Variants in LUC7L2 observed in about 807,000 individuals in gnomAD.
LUC7L2 encodes LUC7 like 2, pre-mRNA splicing factor.
Under a neutral mutation model 52.8 loss-of-function variants are expected in LUC7L2, and 25 were observed. The observed-to-expected ratio is 0.47, with a 90% confidence interval of 0.34 to 0.66. LUC7L2 has a LOEUF of 0.66. LUC7L2 is among the 30% of genes least tolerant of loss of function. LUC7L2 has a pLI of 0.01. For missense variants in LUC7L2, 328 were observed against 497.8 expected (o/e 0.66, Z 3.25); for synonymous variants, 144 against 160.9 (o/e 0.89, Z 0.80).
rs560113259 is a variant in LUC7L2 at position 139,387,164 on chromosome 7, T to C, written c.156+11008T>C. Among the ~76,000 whole-genome samples the C allele has an allele frequency of 1.4e-4, 22 of 152,196 alleles. No individual in the cohort carries two copies. The South Asian group carries it at 4.6e-3, about 32-fold the overall frequency. ...CAGAGCATTTTGAGAATACATGGTC[T>C]CATAAACTTTTTTGGCTTGCAGGAT... On this transcript the variant is annotated intron_variant, in intron 2 of 9. Transcript: ENST00000354926.
chr7:139,372,376 A>G (rs1044502392), intron 1 of LUC7L2, among the ~76,000 whole-genome samples: 4 of 152,294 alleles, frequency 2.6e-5, no homozygotes, highest in Admixed American at 1.3e-4. Context: ...CCAAAGCCAG[A>G]TATGGTTTAC....
intron 2 of LUC7L2, among the ~76,000 whole-genome samples, chr7:139,380,703 C>G (rs543267253): frequency 6.6e-6 from 1 of 152,164 alleles, no homozygotes; most frequent in Non-Finnish European, 1.5e-5. Context: ...CACTTTCTCC[C>G]TGCTAAACTC....
chr7:139,414,156 A>G (rs1008885525), intron 8 of LUC7L2, among the ~76,000 whole-genome samples: 4 of 151,838 alleles, frequency 2.6e-5, no homozygotes, highest in Non-Finnish European at 1.5e-5. Flanking sequence ...ACCTCATTCT[A>G]TTTTTCACAC....
chr7:139,345,293 C>CTTTTAAA (rs1799217597), intron 1 of LUC7L2, among the ~76,000 whole-genome samples: 1 of 152,136 alleles, frequency 6.6e-6, no homozygotes, highest in African/African-American at 2.4e-5. Flanking sequence ...CAATGCAACT[C>CTTTTAAA]CTTTTAAAAA....
At chr7:139,371,596 A>T in intron 1 of LUC7L2, 1 of 1,163,044 alleles carries the variant, frequency 8.6e-7, no homozygotes, top group Middle Eastern at 2.0e-4. Flanking sequence ...ATAGCATGCA[A>T]AGTATAAAAT....
At position 139,379,549 on chromosome 7, in the gene LUC7L2, C is replaced by CTTTTTTTTTTT. The variant is rs539771697; in HGVS notation, c.156+3421_156+3431dup. Among the ~76,000 whole-genome samples, 3 of 52,722 alleles carry CTTTTTTTTTTT rather than the reference C, an allele frequency of 5.7e-5. 1 individual carries two copies. Among genetic ancestry groups the CTTTTTTTTTTT allele is most frequent in the Non-Finnish European group, 9.5e-5 (3 of 31,542 alleles). The allele number at this position is 52,722 out of a possible 152,430, so 34.6% of individuals were successfully genotyped here. ...TTTCATTATTCTAGTATAACTAATG[C>CTTTTTTTTTTT]TTTTTTTTTTTTTTTTTTTTTTTTT... On this transcript the variant is annotated intron_variant, in intron 2 of 9. Coordinates refer to ENST00000354926, the MANE Select transcript of LUC7L2 (RefSeq NM_016019.5).
intron 1 of LUC7L2, among the ~76,000 whole-genome samples, chr7:139,348,701 G>C (rs977261373): frequency 1.5e-4 from 22 of 151,602 alleles, no homozygotes; most frequent in African/African-American, 5.3e-4. Flanking sequence ...CCTGGTGACA[G>C]AGCGAGACTC....
At chr7:139,361,043 T>C (rs1799855385) in intron 1 of LUC7L2, among the ~76,000 whole-genome samples, 2 of 152,194 alleles carry the variant, frequency 1.3e-5, no homozygotes, top group Admixed American at 1.3e-4. Context: ...TGGTACCCAG[T>C]GAAGTAGAAT....
At chr7:139,354,411 G>A (rs1193842488) in intron 1 of LUC7L2, among the ~76,000 whole-genome samples, 1 of 152,190 alleles carries the variant, frequency 6.6e-6, no homozygotes, top group African/African-American at 2.4e-5. Context: ...ACCCAGGCTG[G>A]AGTGCAGTGG....
At chr7:139,360,449 T>G (rs1234261283) in intron 1 of LUC7L2, 127 bp downstream of exon 1, 5 of 784,200 alleles carry the variant, frequency 6.4e-6, no homozygotes, top group Non-Finnish European at 1.0e-5. Context: ...TAACACGAGG[T>G]CCCCGTCCCC....
chr7:139,408,468 G>GT (rs970232786), intron 6 of LUC7L2, among the ~76,000 whole-genome samples: 9 of 152,094 alleles, frequency 5.9e-5, no homozygotes, highest in African/African-American at 1.9e-4. Flanking sequence ...AATGGTTGAT[G>GT]TTTTTTTAAA....
At chr7:139,397,253 T>G (rs1794699200) in intron 2 of LUC7L2, among the ~76,000 whole-genome samples, 1 of 152,258 alleles carries the variant, frequency 6.6e-6, no homozygotes, top group Non-Finnish European at 1.5e-5. Context: ...TTCCTAAGAT[T>G]CATTTGCTTC....
chr7:139,396,249 G>A (rs1232580845), intron 2 of LUC7L2, among the ~76,000 whole-genome samples: 1 of 151,980 alleles, frequency 6.6e-6, no homozygotes, highest in African/African-American at 2.4e-5. Context: ...ACCAGCCTGG[G>A]CAAGATAGCA....
intron 2 of LUC7L2, among the ~76,000 whole-genome samples, chr7:139,380,035 C>T (rs542590271): frequency 2.1e-4 from 32 of 151,262 alleles, no homozygotes; most frequent in African/African-American, 5.1e-4. Context: ...AAAAATTAGC[C>T]GGGCGTAGTG....
chr7:139,365,150 AAAG>A (rs1800089926), intron 1 of LUC7L2, among the ~76,000 whole-genome samples: 3 of 152,338 alleles, frequency 2.0e-5, no homozygotes, highest in African/African-American at 7.2e-5. Context: ...ATCAATGAAA[AAAG>A]AAAAGTTTTC....
Position 139,423,076 on chromosome 7 carries a change from AT to A in LUC7L2, c.*740del. On this transcript the variant is annotated 3_prime_UTR_variant, in exon 10 of 10. Coordinates refer to ENST00000354926, the MANE Select transcript of LUC7L2 (RefSeq NM_016019.5). ...TCTTTTCGTAATAAGCACTTGTTTT[AT>A]TTTGTGTGTGTGGAGTATAAAGGCT... The A allele has an allele frequency of 5.0e-6, 2 of 398,664 alleles. No homozygotes were observed. Among genetic ancestry groups the A allele is most frequent in the Middle Eastern group, 6.3e-4 (1 of 1,588 alleles). The allele number at this position is 398,664 out of a possible 1,614,324, so 24.7% of individuals were successfully genotyped here.
At chr7:139,387,124 G>A (rs1794236491) in intron 2 of LUC7L2, among the ~76,000 whole-genome samples, 1 of 152,048 alleles carries the variant, frequency 6.6e-6, no homozygotes, top group South Asian at 2.1e-4. Context: ...ACAGGCATGA[G>A]CCACCGTGCC....
At chr7:139,415,069 T>TG (rs1480044313) in intron 8 of LUC7L2, among the ~76,000 whole-genome samples, 71 of 145,618 alleles carry the variant, frequency 4.9e-4, no homozygotes, top group African/African-American at 1.6e-3. Context: ...TTTTTTTTTT[T>TG]TTTTTTTTTT....
At chr7:139,366,225 C>A (rs562521411) in intron 1 of LUC7L2, among the ~76,000 whole-genome samples, 29 of 152,294 alleles carry the variant, frequency 1.9e-4, no homozygotes, top group Middle Eastern at 3.4e-3. Flanking sequence ...TAGTTGTGAA[C>A]CATGTACAAC....
Sources: allele counts gnomAD v4.1 joint callset (sites outside exome capture counted in the v4.1 genomes callset), GRCh38; gene constraint gnomAD v4.1.1; transcripts MANE v1.5; gene names NCBI Gene and HGNC (gene_info 2026-07-23, HGNC 2026-07-21).